The following S100Z variants were observed in gnomAD, a reference collection of about 807,000 sequenced individuals.
S100Z encodes the protein S100 calcium binding protein Z.
A neutral mutation model predicts 8.5 loss-of-function variants in S100Z; 11 were observed. That is an observed-to-expected ratio of 1.30 (90% CI 0.82 to 2.15). The LOEUF is 2.15. Ranked by LOEUF, S100Z falls within the 30% of genes most tolerant of loss-of-function variation. S100Z has a pLI of 0.00. For synonymous variants in S100Z, 34 were observed against 43.8 expected (o/e 0.78, Z 0.89); for missense variants, 126 against 117.9 (o/e 1.07, Z -0.32).
At chr5:76,944,007 GT>G in the S100Z span, among the ~76,000 whole-genome samples, 104 of 150,364 alleles carry the variant, frequency 6.9e-4, no homozygotes, top group Middle Eastern at 0.01. Context: ...TCATGACTGA[GT>G]TTTTTTTTTG....
the S100Z span, among the ~76,000 whole-genome samples, chr5:76,928,289 G>A: frequency 6.6e-6 from 1 of 152,150 alleles, no homozygotes; most frequent in Non-Finnish European, 1.5e-5. Flanking sequence ...CATATAAGCT[G>A]CAAAAAGATG....
intron 4 of S100Z, among the ~76,000 whole-genome samples, chr5:76,917,857 G>A (rs1292598388): frequency 6.6e-6 from 1 of 150,934 alleles, no homozygotes; most frequent in East Asian, 1.9e-4. Flanking sequence ...GAATACCAAG[G>A]TCAAAATTGG....
intron 4 of S100Z, among the ~76,000 whole-genome samples, chr5:76,887,345 C>T (rs1743681829): frequency 6.9e-6 from 1 of 145,862 alleles, no homozygotes; most frequent in South Asian, 2.2e-4. Flanking sequence ...AATCTGCCTG[C>T]TTCAGCCTCC....
chr5:76,944,372 G>A, the S100Z span, among the ~76,000 whole-genome samples: 15 of 152,292 alleles, frequency 9.8e-5, no homozygotes, highest in African/African-American at 3.6e-4. Flanking sequence ...GAGGAAGATG[G>A]GTGAGATGCA....
intron 4 of S100Z, among the ~76,000 whole-genome samples, chr5:76,900,894 A>G (rs1018432252): frequency 1.5e-4 from 23 of 152,208 alleles, no homozygotes; most frequent in African/African-American, 5.5e-4. Context: ...GATATTTGAA[A>G]GGACTTGGGT....
intron 1 of S100Z, among the ~76,000 whole-genome samples, chr5:76,861,164 G>A (rs1015596360): frequency 2.0e-5 from 3 of 152,144 alleles, no homozygotes; most frequent in Non-Finnish European, 4.4e-5. Context: ...GACCCTGGCT[G>A]AGGATCCACT....
chr5:76,925,995 A>C (rs1745131364), downstream of S100Z, among the ~76,000 whole-genome samples: 1 of 152,086 alleles, frequency 6.6e-6, no homozygotes, highest in African/African-American at 2.4e-5. Flanking sequence ...AAGATACATA[A>C]AAATATAAGG....
At chr5:76,925,087 C>T (rs1365281101), downstream of S100Z, among the ~76,000 whole-genome samples, 7 of 152,126 alleles carry the variant, frequency 4.6e-5, no homozygotes, top group African/African-American at 1.7e-4. Flanking sequence ...CAGAATGCTT[C>T]AGTTTCTTGC....
intron 4 of S100Z, among the ~76,000 whole-genome samples, chr5:76,911,995 C>T (rs149227791): frequency 2.0e-5 from 3 of 152,276 alleles, no homozygotes; most frequent in African/African-American, 4.8e-5. Flanking sequence ...TACTCAGACT[C>T]GTGGGACAAC....
intron 4 of S100Z, among the ~76,000 whole-genome samples, chr5:76,895,969 G>A (rs1744024405): frequency 6.6e-6 from 1 of 151,642 alleles, no homozygotes; most frequent in South Asian, 2.1e-4. Flanking sequence ...CACCATGTTG[G>A]CCAGGCTGCT....
chr5:76,913,330 C>T (rs905615343), intron 4 of S100Z, among the ~76,000 whole-genome samples: 4 of 152,002 alleles, frequency 2.6e-5, no homozygotes, highest in Non-Finnish European at 5.9e-5. Flanking sequence ...TCCTCCCAGG[C>T]GATTAAGGGA....
chr5:76,897,718 A>G (rs987598723), intron 4 of S100Z, among the ~76,000 whole-genome samples: 5 of 151,898 alleles, frequency 3.3e-5, no homozygotes, highest in African/African-American at 7.3e-5. Flanking sequence ...CTTAATTCCT[A>G]TGTATTTAAT....
the S100Z span, among the ~76,000 whole-genome samples, chr5:76,931,981 C>T: frequency 6.6e-6 from 1 of 151,980 alleles, no homozygotes; most frequent in East Asian, 1.9e-4. Flanking sequence ...TCATTGACCA[C>T]TAGTGCGGAT....
At chr5:76,927,995 G>A in the S100Z span, among the ~76,000 whole-genome samples, 2 of 152,192 alleles carry the variant, frequency 1.3e-5, no homozygotes, top group South Asian at 4.1e-4. Context: ...CTGCTCTGAG[G>A]ACGTGGGGGT....
downstream of S100Z, among the ~76,000 whole-genome samples, chr5:76,922,137 C>T (rs1745059462): frequency 6.6e-6 from 1 of 152,180 alleles, no homozygotes; most frequent in South Asian, 2.1e-4. Context: ...GCCTCAGAAT[C>T]AAGGTTCCCC....
the S100Z span, among the ~76,000 whole-genome samples, chr5:76,946,784 C>T: frequency 2.0e-5 from 3 of 152,050 alleles, no homozygotes; most frequent in African/African-American, 7.2e-5. Flanking sequence ...TTGATCCCTA[C>T]AATAATTCTT....
At chr5:76,879,103 GA>G (rs1200614246) in intron 4 of S100Z, among the ~76,000 whole-genome samples, 1 of 152,152 alleles carries the variant, frequency 6.6e-6, no homozygotes, top group Non-Finnish European at 1.5e-5. Flanking sequence ...AGGCTACTGG[GA>G]ATTTCTGGGA....
At chr5:76,873,261 G>A (rs1253264020) in intron 2 of S100Z, among the ~76,000 whole-genome samples, 1 of 151,718 alleles carries the variant, frequency 6.6e-6, no homozygotes, top group Non-Finnish European at 1.5e-5. Flanking sequence ...ATACTCCTAA[G>A]TATTCAAAAT....
the S100Z span, among the ~76,000 whole-genome samples, chr5:76,932,910 G>A: frequency 2.6e-5 from 4 of 152,330 alleles, no homozygotes; most frequent in Admixed American, 2.6e-4. Context: ...AAGCGGCTTA[G>A]TACCAGTGGG....
Sources: gnomAD v4.1 joint callset for allele counts (sites outside exome capture counted in the v4.1 genomes callset) on GRCh38, gnomAD v4.1.1 for gene constraint, MANE v1.5 for transcripts, NCBI Gene and HGNC (gene_info 2026-07-23, HGNC 2026-07-21) for gene names.